RASD2: variants seen among roughly 807,000 people sequenced by gnomAD.
The protein encoded by RASD2 is RASD family member 2.
In RASD2, 7 loss-of-function variants were observed where a neutral mutation model predicts 15.8. The ratio of observed to expected loss-of-function variants is 0.44; its 90% confidence interval spans 0.25 to 0.83. The LOEUF is 0.83. RASD2 is among the 40% of genes least tolerant of loss of function. The probability of loss-of-function intolerance (pLI) is 0.20; values close to 1 mark genes in which losing one functional copy is unlikely to be tolerated. For missense variants in RASD2, 274 were observed against 382.8 expected (o/e 0.72, Z 2.37); for synonymous variants, 155 against 153.6 (o/e 1.01, Z -0.07).
At chr22:35,537,744 G>A (rs1334573894), upstream of RASD2, among the ~76,000 whole-genome samples, 1 of 152,106 alleles carries the variant, frequency 6.6e-6, no homozygotes, top group Non-Finnish European at 1.5e-5. Flanking sequence ...GTAGGAGTTT[G>A]ATGGGTAAAT....
chr22:35,540,170 C>G (rs1191884421), upstream of RASD2, among the ~76,000 whole-genome samples: 1 of 152,014 alleles, frequency 6.6e-6, no homozygotes, highest in Non-Finnish European at 1.5e-5. Context: ...CGCGCTCGAC[C>G]TGGCCGGGCG....
Position 35,553,273 on chromosome 22 carries a change from T to A in RASD2, c.*1241T>A, listed in dbSNP as rs1187379070. On this transcript the variant is annotated 3_prime_UTR_variant, in exon 3 of 3. Coordinates refer to ENST00000216127, the MANE Select transcript of RASD2 (RefSeq NM_014310.4). ...GGGAGGAGCAGCTGGGACCCAGAAC[T>A]GAGCCTGGGAGGGATCCGACAGAAA... is the stretch of plus-strand genomic sequence containing the variant. The A allele has an allele frequency of 6.6e-6, 1 of 152,420 alleles. No individual in the cohort carries two copies. Among genetic ancestry groups the A allele is most frequent in the Non-Finnish European group, 1.5e-5 (1 of 68,062 alleles). The allele number at this position is 152,420 out of a possible 1,614,324, so 9.4% of individuals were successfully genotyped here.
chr22:35,541,689 AG>A (rs770936100), intron 1 of RASD2, among the ~76,000 whole-genome samples, 189 bp downstream of exon 1: 18 of 152,354 alleles, frequency 1.2e-4, no homozygotes, highest in Non-Finnish European at 5.9e-5. Flanking sequence ...AAATTCGTTG[AG>A]CACCTACTGT....
intron 2 of RASD2, among the ~76,000 whole-genome samples, chr22:35,550,173 G>A (rs1934623095): frequency 6.6e-6 from 1 of 152,156 alleles, no homozygotes; most frequent in Non-Finnish European, 1.5e-5. Context: ...TGAGGCAGGA[G>A]AATCTCTTGA....
rs1934509188 is a variant in RASD2, at chr22:35,546,637, T to A, written c.-9-164T>A. 7.3e-6 allele frequency: 3 copies of A among 411,058 alleles called. No individual in the cohort carries two copies. In the South Asian group the frequency reaches 3.1e-4, roughly 42 times the overall value. The allele number at this position is 411,058 out of a possible 1,614,324, so 25.5% of individuals were successfully genotyped here. The stretch of plus-strand genomic sequence containing the variant: ...GAAGGAAGGAGTAAAGGAGAGGGCA[T>A]GAATGAATGAGAGGGTAGAACTCCA... On this transcript the variant is annotated intron_variant, in intron 1 of 2. Transcript: ENST00000216127.
At chr22:35,535,865 G>T (rs910851964), upstream of RASD2, among the ~76,000 whole-genome samples, 1 of 150,032 alleles carries the variant, frequency 6.7e-6, no homozygotes, top group Non-Finnish European at 1.5e-5. Context: ...TAGAACCCAG[G>T]CTCCTGACTG....
intron 1 of RASD2, 47 bp from the exon 2 acceptor site, chr22:35,546,754 G>C: frequency 6.3e-7 from 1 of 1,582,168 alleles, no homozygotes; most frequent in Non-Finnish European, 8.6e-7. Flanking sequence ...AGGTGGTGGG[G>C]CCAGGTCGGG....
In RASD2 at chr22:35,551,469, C is replaced by G. The variant is rs768275265; in HGVS notation, c.272-34C>G. ...GAGGAGGGCAGGGGTTGCAGCTGGC[C>G]GGTGAACTCACTACCTGGGCTCTCT... On this transcript the variant is annotated intron_variant, in intron 2 of 2. Coordinates refer to ENST00000216127, the MANE Select transcript of RASD2 (RefSeq NM_014310.4). This position sits in a 1 kb window ranked among gnomAD's most constrained non-coding sequence, Gnocchi z 4.9. The G allele has an allele frequency of 6.3e-7, 1 of 1,587,896 alleles. No homozygotes were observed. The highest frequency in any genetic ancestry group is 1.3e-5 in the African/African-American group (1 of 74,414).
chr22:35,535,706 T>A, the RASD2 span, among the ~76,000 whole-genome samples: 1 of 152,004 alleles, frequency 6.6e-6, no homozygotes, highest in Non-Finnish European at 1.5e-5. Context: ...AGACCTAGGG[T>A]ACAGAGAGCC....
At chr22:35,549,752 T>A (rs536887589) in intron 2 of RASD2, among the ~76,000 whole-genome samples, 13 of 152,182 alleles carry the variant, frequency 8.5e-5, no homozygotes, top group Non-Finnish European at 1.5e-4. Flanking sequence ...GGAGCACACC[T>A]TTGATCTGGA....
chr22:35,539,755 G>A (rs1934296608), upstream of RASD2, among the ~76,000 whole-genome samples: 1 of 152,136 alleles, frequency 6.6e-6, no homozygotes, highest in Admixed American at 6.5e-5. Flanking sequence ...CTAAAAAAAC[G>A]TGTTTAAGGG....
At chr22:35,535,326 C>T in the RASD2 span, among the ~76,000 whole-genome samples, 4 of 151,602 alleles carry the variant, frequency 2.6e-5, no homozygotes, top group Non-Finnish European at 4.4e-5. Flanking sequence ...ATCGCTTGAG[C>T]CCAGCAGGTT....
intron 1 of RASD2, among the ~76,000 whole-genome samples, chr22:35,544,154 C>T (rs1230047145): frequency 6.6e-6 from 1 of 152,260 alleles, no homozygotes; most frequent in Non-Finnish European, 1.5e-5. Context: ...AATACTGTCC[C>T]TGGGAGCTTC....
At chr22:35,543,448 A>G (rs371171537) in intron 1 of RASD2, among the ~76,000 whole-genome samples, 65 of 151,248 alleles carry the variant, frequency 4.3e-4, no homozygotes, top group African/African-American at 1.5e-3. Context: ...TAAATTCCCA[A>G]AGGGCTCTTC....
chr22:35,537,808 G>A (rs115503266), upstream of RASD2, among the ~76,000 whole-genome samples: 1,264 of 152,224 alleles, frequency 8.3e-3, 14 homozygotes, highest in African/African-American at 0.024. Context: ...CTCAGAGGAG[G>A]GATAGCTTCT....
chr22:35,547,288 C>G (rs73420918), intron 2 of RASD2, among the ~76,000 whole-genome samples: 2 of 152,232 alleles, frequency 1.3e-5, no homozygotes, highest in African/African-American at 4.8e-5. Flanking sequence ...GACTCCAGAT[C>G]GATTACTCAT....
chr22:35,546,935 C>T lies in RASD2; in HGVS notation c.126C>T (p.Gly42=). The change falls in exon 2 of 3, where the codon GGC becomes GGT. Residue 42 remains glycine, a synonymous_variant. Transcript: ENST00000216127. ...KSSIVSRFLN[G]RFEDQYTPTI... ...CCATCGTGTCTCGCTTCCTCAATGG[C>T]CGCTTTGAGGACCAGTACACACCCA... 2.5e-6 allele frequency: 4 copies of T among 1,613,876 alleles called. No homozygotes were observed. The highest frequency in any genetic ancestry group is 2.5e-6 in the Non-Finnish European group (3 of 1,179,928).
chr22:35,547,096 G>T lies in RASD2; in HGVS notation c.271+16G>T, dbSNP rs778224278. ...ATCCTCACAGGTGAGGCCCACTGGT[G>T]CCTGGGCTGGGGCGGCAGGGCCAGG... On this transcript the variant is annotated intron_variant, in intron 2 of 2. Transcript: ENST00000216127. 25 of 1,606,420 alleles carry T rather than the reference G, an allele frequency of 1.6e-5. No homozygotes were observed. In the South Asian group the frequency reaches 2.2e-4, roughly 14 times the overall value.
chr22:35,539,801 T>C (rs1040582334), upstream of RASD2, among the ~76,000 whole-genome samples: 1 of 152,182 alleles, frequency 6.6e-6, no homozygotes, highest in Non-Finnish European at 1.5e-5. Flanking sequence ...AAAAAATATA[T>C]TAAGTAATAA....
Sources: gnomAD v4.1 joint callset for allele counts (sites outside exome capture counted in the v4.1 genomes callset) on GRCh38, gnomAD v4.1.1 for gene constraint, Gnocchi (gnomAD v3.1) non-coding constraint, MANE v1.5 for transcripts, NCBI Gene and HGNC (gene_info 2026-07-23, HGNC 2026-07-21) for gene names.